The following KCNN1 variants were observed in gnomAD, a reference collection of about 807,000 sequenced individuals.
The protein encoded by KCNN1 is small conductance calcium-activated potassium channel protein 1.
A neutral mutation model predicts 44.7 loss-of-function variants in KCNN1; 20 were observed. The ratio of observed to expected loss-of-function variants is 0.45; its 90% CI spans 0.32 to 0.65. KCNN1 has a LOEUF of 0.65. Among genes scored for constraint, KCNN1 ranks in the 30% least tolerant of loss-of-function variants. The pLI, the probability that KCNN1 is intolerant of heterozygous loss-of-function variation, is 0.05. For missense variants in KCNN1, 632 were observed against 785.3 expected, an observed-to-expected ratio of 0.80 and a Z score of 2.33; for synonymous variants, 324 against 341.7, an observed-to-expected ratio of 0.95 and a Z score of 0.57.
intron 6 of KCNN1, 149 bp from the exon 7 acceptor site, chr19:17,989,567 G>C (rs2032716775): frequency 3.6e-6 from 4 of 1,107,956 alleles, no homozygotes; most frequent in African/African-American, 3.2e-5. Flanking sequence ...CACAGATGTT[G>C]TTGTACAAGC....
chr19:17,956,713 TG>T (rs1216081620), intron 2 of KCNN1, among the ~76,000 whole-genome samples: 1 of 151,960 alleles, frequency 6.6e-6, no homozygotes, highest in Non-Finnish European at 1.5e-5. Flanking sequence ...ACCACTGTAC[TG>T]TAGTCTGGGT....
At chr19:17,952,907 G>A (rs899299164) in intron 1 of KCNN1, among the ~76,000 whole-genome samples, 1 of 152,180 alleles carries the variant, frequency 6.6e-6, no homozygotes, top group African/African-American at 2.4e-5. Flanking sequence ...ACTCGCCCAA[G>A]GTCACCCAGC....
chr19:17,989,680 G>T, intron 6 of KCNN1, 36 bp from the exon 7 acceptor site: 2 of 1,612,964 alleles, frequency 1.2e-6, no homozygotes, highest in Non-Finnish European at 1.7e-6. Flanking sequence ...GGAATTTCGC[G>T]CCAACCCTGA....
Position 17,981,838 on chromosome 19 carries a change from A to C in KCNN1, c.628A>C (p.Thr210Pro). ...GCCCGGCCACTACCGCTTCACGTGG[A>C]CGGCGCGGCTGGCCTTCACGTACGC... ...PVPGHYRFTW[T>P]ARLAFTYAPS... The change falls in exon 4 of 10, where the codon ACG (threonine) becomes CCG (proline). Residue 210 changes from threonine (T) to proline (P), a missense_variant. Thr to Pro is a conservative substitution (Grantham distance 38). Transcript: ENST00000684775. 1 of 1,612,930 alleles carries C rather than the reference A, an allele frequency of 6.2e-7. No homozygotes were observed. Among genetic ancestry groups the C allele is most frequent in the East Asian group, 2.2e-5 (1 of 44,860 alleles).
intron 2 of KCNN1, among the ~76,000 whole-genome samples, chr19:17,959,085 T>C (rs2031616807): frequency 6.6e-6 from 1 of 151,478 alleles, no homozygotes; most frequent in Admixed American, 6.6e-5. Flanking sequence ...TGACGTGATC[T>C]CGGCTCACTA....
At chr19:17,967,365 C>G (rs987560410) in intron 1 of KCNN1, 48 bp downstream of exon 1, 5 of 953,724 alleles carry the variant, frequency 5.2e-6, no homozygotes, top group African/African-American at 1.8e-5. Flanking sequence ...GGATCTGCAG[C>G]TCAGGGAGCC....
chr19:17,995,775 G>A (rs1264438853), intron 9 of KCNN1, among the ~76,000 whole-genome samples: 1 of 151,410 alleles, frequency 6.6e-6, no homozygotes, highest in Non-Finnish European at 1.5e-5. Flanking sequence ...TAGTAGAGAT[G>A]GGGTTTCACC....
chr19:17,984,704 T>G (rs982911061), intron 4 of KCNN1, among the ~76,000 whole-genome samples: 2 of 152,090 alleles, frequency 1.3e-5, no homozygotes, highest in Admixed American at 6.5e-5. Flanking sequence ...CTAAGTTCTG[T>G]CAGTCTTGGG....
At position 18,000,063 on chromosome 19, in the gene KCNN1, C is replaced by T. The variant is rs1413719440; in HGVS notation, c.*1657C>T. ...GGTAGGTGCTCAATAAATGCTCCTT[C>T]CCGCCTGAGGGATCACACTGGAGTC... On this transcript the variant is annotated 3_prime_UTR_variant, in exon 10 of 10. Coordinates refer to ENST00000684775, the MANE Select transcript of KCNN1 (RefSeq NM_001386974.1). 2.2e-6 allele frequency: 1 copy of T among 455,298 alleles called. No homozygotes were observed. Among genetic ancestry groups the T allele is most frequent in the Non-Finnish European group, 4.4e-6 (1 of 226,444 alleles). 28.2% of individuals were successfully genotyped at this position (455,298 alleles called of 1,614,324 possible). A position where few individuals can be genotyped will look rare whatever the true frequency, so the allele number is the denominator to read the frequency against.
intron 3 of KCNN1, among the ~76,000 whole-genome samples, chr19:17,976,204 G>A (rs2032198769): frequency 6.6e-6 from 1 of 151,974 alleles, no homozygotes; most frequent in African/African-American, 2.4e-5. Flanking sequence ...CTATTTGGGA[G>A]GCTGAGGCGG....
rs56292700 is a variant in KCNN1 at position 17,976,213 on chromosome 19, G to A, written c.498+1026G>A. On this transcript the variant is annotated intron_variant, in intron 3 of 9. Coordinates refer to ENST00000684775, the MANE Select transcript of KCNN1 (RefSeq NM_001386974.1). ...TCCCAGCTATTTGGGAGGCTGAGGC[G>A]GGAGAATCACTTGAACCTGGGAGGC... is the stretch of plus-strand genomic sequence containing the variant. Among the ~76,000 whole-genome samples, 889 of 151,860 alleles carry A rather than the reference G, an allele frequency of 5.9e-3. 4 individuals carry two copies. Among genetic ancestry groups the A allele is most frequent in the Non-Finnish European group, 9.4e-3 (640 of 67,946 alleles).
intron 1 of KCNN1, among the ~76,000 whole-genome samples, chr19:17,972,960 A>G (rs1053006719): frequency 6.6e-6 from 1 of 152,164 alleles, no homozygotes; most frequent in African/African-American, 2.4e-5. Context: ...TTCCAGGCAG[A>G]GGGCACAGCC....
intron 7 of KCNN1, 65 bp from the exon 8 acceptor site, chr19:17,992,989 C>T (rs1401480981): frequency 2.1e-5 from 34 of 1,602,032 alleles, no homozygotes; most frequent in South Asian, 5.6e-5. Flanking sequence ...GGGTACATGC[C>T]GAACAACTGT....
intron 6 of KCNN1, 50 bp downstream of exon 6, chr19:17,988,575 C>T (rs752952070): frequency 1.4e-4 from 183 of 1,346,122 alleles, no homozygotes; most frequent in Non-Finnish European, 1.8e-4. Context: ...TGTCAGCGAG[C>T]GTAGAACTTC....
At chr19:17,986,795 C>G (rs911856224) in intron 5 of KCNN1, among the ~76,000 whole-genome samples, 3 of 152,122 alleles carry the variant, frequency 2.0e-5, no homozygotes, top group South Asian at 4.2e-4. Flanking sequence ...CTGCACCTGG[C>G]CCATGCCTGA....
At chr19:17,988,552 C>T (rs748570056) in intron 6 of KCNN1, 27 bp downstream of exon 6, 43 of 1,533,336 alleles carry the variant, frequency 2.8e-5, no homozygotes, top group East Asian at 1.6e-4. Flanking sequence ...CCATGGAGGC[C>T]GCCTCCTGGC....
intron 2 of KCNN1, among the ~76,000 whole-genome samples, chr19:17,959,246 GTT>G (rs1008473820): frequency 6.7e-6 from 1 of 148,292 alleles, no homozygotes; most frequent in Non-Finnish European, 1.5e-5. Flanking sequence ...CGCTGGTCTT[GTT>G]TTTTGTTTTG....
chr19:17,999,903 C>T lies in KCNN1; in HGVS notation c.*1497C>T, dbSNP rs941291142. 2.6e-5 allele frequency: 12 copies of T among 453,122 alleles called. No homozygotes were observed. Among genetic ancestry groups the T allele is most frequent in the African/African-American group, 1.6e-4 (8 of 50,080 alleles). The allele number at this position is 453,122 out of a possible 1,614,324, so 28.1% of individuals were successfully genotyped here. A position where few individuals can be genotyped will look rare whatever the true frequency, so the allele number is the denominator to read the frequency against. ...GGTATGAGGAGGTGCTGGTCAGACC[C>T]GGGTTCGAGTCCTGACTCTGCCACT... On this transcript the variant is annotated 3_prime_UTR_variant, in exon 10 of 10. Coordinates refer to ENST00000684775, the MANE Select transcript of KCNN1 (RefSeq NM_001386974.1).
intron 1 of KCNN1, among the ~76,000 whole-genome samples, chr19:17,969,759 C>T (rs572049507): frequency 1.1e-4 from 17 of 152,372 alleles, no homozygotes; most frequent in Admixed American, 3.3e-4. Flanking sequence ...CCACCCGCTT[C>T]TCATCCCTGT....
Sources: allele counts gnomAD v4.1 joint callset (sites outside exome capture counted in the v4.1 genomes callset), GRCh38; gene constraint gnomAD v4.1.1; transcripts MANE v1.5; gene names NCBI Gene and HGNC (gene_info 2026-07-23, HGNC 2026-07-21).